The following WDPCP variants were observed in gnomAD, a reference collection of about 807,000 sequenced individuals.
WDPCP encodes WD repeat containing planar cell polarity effector.
WDPCP carries 71 observed loss-of-function variants against 93.1 expected under a neutral mutation model. The ratio of observed to expected loss-of-function variants is 0.76; its 90% confidence interval spans 0.63 to 0.93. The LOEUF is 0.93. Among genes scored for constraint, WDPCP ranks in the 40% least tolerant of loss-of-function variants. WDPCP has a pLI of 0.00. For missense variants in WDPCP, 844 were observed against 887.4 expected, an observed-to-expected ratio of 0.95 and a Z score of 0.62; for synonymous variants, 315 against 315.0, an observed-to-expected ratio of 1.00 and a Z score of 0.00.
intron 2 of WDPCP, among the ~76,000 whole-genome samples, chr2:63,654,298 G>GT (rs1430294782): frequency 1.3e-5 from 2 of 152,172 alleles, no homozygotes; most frequent in Admixed American, 6.5e-5. Context: ...GAAAAAGATT[G>GT]TAACATTATG....
At chr2:63,324,573 C>T (rs886163352) in intron 12 of WDPCP, among the ~76,000 whole-genome samples, 9 of 152,308 alleles carry the variant, frequency 5.9e-5, no homozygotes, top group Non-Finnish European at 1.3e-4. Flanking sequence ...GGGAAACCTT[C>T]GATCTCACTT....
At chr2:63,173,656 G>C (rs774030004) in intron 15 of WDPCP, among the ~76,000 whole-genome samples, 5 of 152,110 alleles carry the variant, frequency 3.3e-5, no homozygotes, top group Non-Finnish European at 7.4e-5. Context: ...TCAATTTGTT[G>C]TTTGCCTTTG....
chr2:63,461,260 A>T (rs374134195), intron 6 of WDPCP, among the ~76,000 whole-genome samples: 3 of 152,116 alleles, frequency 2.0e-5, no homozygotes, highest in African/African-American at 7.2e-5. Flanking sequence ...GCGGGGAGGT[A>T]TTTGGGTCAC....
intron 1 of WDPCP, among the ~76,000 whole-genome samples, chr2:63,815,983 T>C (rs1670928248): frequency 6.6e-6 from 1 of 152,160 alleles, no homozygotes; most frequent in Non-Finnish European, 1.5e-5. Flanking sequence ...TTCTTGATAT[T>C]ATCTTGAGAA....
chr2:63,516,019 C>CA (rs34934162), intron 1 of WDPCP, among the ~76,000 whole-genome samples: 45,451 of 131,380 alleles, frequency 0.35, 7,673 homozygotes, highest in East Asian at 0.73. Context: ...GACTCCATTT[C>CA]AAAAAAAAAA....
rs967871683 is a variant in WDPCP, at chr2:63,174,887, C to A, written c.1916-55G>T. 4 of 1,566,004 alleles carry A rather than the reference C, an allele frequency of 2.6e-6. No individual in the cohort carries two copies. The South Asian group carries it at 4.4e-5, about 17-fold the overall frequency. ...ATACTAAGTACAATTTCTGCTAACT[C>A]CCTTATAAGTAAGATTACAGAACAA... On this transcript the variant is annotated intron_variant, in intron 14 of 17. Coordinates refer to ENST00000272321, the MANE Select transcript of WDPCP (RefSeq NM_015910.7).
chr2:63,134,220 C>T (rs1670469738), intron 17 of WDPCP, among the ~76,000 whole-genome samples: 1 of 152,132 alleles, frequency 6.6e-6, no homozygotes, highest in South Asian at 2.1e-4. Flanking sequence ...ATTTTGCCCA[C>T]CCCACTTCTG....
intron 2 of WDPCP, among the ~76,000 whole-genome samples, chr2:63,797,649 A>G (rs189332922): frequency 6.6e-6 from 1 of 152,272 alleles, no homozygotes; most frequent in East Asian, 1.9e-4. Context: ...AGAGGAGACT[A>G]AAGAAAAAAG....
chr2:63,546,940 G>A (rs1256539172), intron 1 of WDPCP, among the ~76,000 whole-genome samples: 1 of 151,852 alleles, frequency 6.6e-6, no homozygotes, highest in Admixed American at 6.6e-5. Flanking sequence ...AAAGATTTCT[G>A]AGAAGGTAAA....
At chr2:63,270,087 A>G (rs1236643839) in intron 13 of WDPCP, among the ~76,000 whole-genome samples, 2 of 152,204 alleles carry the variant, frequency 1.3e-5, no homozygotes, top group Non-Finnish European at 2.9e-5. Flanking sequence ...AAGTATGTTA[A>G]ATAACTTACC....
chr2:63,515,181 T>C (rs1702474638), intron 1 of WDPCP, among the ~76,000 whole-genome samples: 1 of 152,186 alleles, frequency 6.6e-6, no homozygotes, highest in African/African-American at 2.4e-5. Context: ...AGCTTTACAG[T>C]AAGCTATACC....
chr2:63,165,351 G>A (rs560537424), intron 15 of WDPCP, among the ~76,000 whole-genome samples: 1 of 152,046 alleles, frequency 6.6e-6, no homozygotes, highest in South Asian at 2.1e-4. Flanking sequence ...TGATATTAAT[G>A]GATTTGGTAA....
At chr2:63,157,586 T>C (rs1343043192) in intron 15 of WDPCP, among the ~76,000 whole-genome samples, 3 of 152,206 alleles carry the variant, frequency 2.0e-5, no homozygotes, top group African/African-American at 7.2e-5. Context: ...AGGATTCAGA[T>C]GATCTCTTTC....
chr2:63,191,389 C>G lies in WDPCP; in HGVS notation c.1916-16557G>C, dbSNP rs374172592. Among the ~76,000 whole-genome samples the G allele has an allele frequency of 1.6e-4, 25 of 151,702 alleles. No individual in the cohort carries two copies. The South Asian group carries it at 3.5e-3, about 22-fold the overall frequency. ...CCTGGGTGACAGAGCCAGACTCCAT[C>G]TCAAAAGAAAAAAAAGAAAAAATTG... On this transcript the variant is annotated intron_variant, in intron 14 of 17. Coordinates refer to ENST00000272321, the MANE Select transcript of WDPCP (RefSeq NM_015910.7).
intron 1 of WDPCP, among the ~76,000 whole-genome samples, chr2:63,576,447 G>C (rs1181169037): frequency 1.3e-5 from 2 of 152,244 alleles, no homozygotes; most frequent in African/African-American, 4.8e-5. Flanking sequence ...CCAGATGGAA[G>C]AAATGCATAA....
At chr2:63,812,752 T>A (rs1670879948) in intron 2 of WDPCP, among the ~76,000 whole-genome samples, 1 of 152,210 alleles carries the variant, frequency 6.6e-6, no homozygotes, top group Non-Finnish European at 1.5e-5. Context: ...ATTTGTTACA[T>A]GGCAATAGAA....
chr2:63,313,886 A>ATATATATATATTTTTT, intron 12 of WDPCP, among the ~76,000 whole-genome samples: 1 of 74,472 alleles, frequency 1.3e-5, no homozygotes, highest in East Asian at 3.9e-4. Flanking sequence ...ATATATATAT[A>ATATATATATATTTTTT]TTTTTTTTTT....
chr2:63,169,140 A>C (rs549179610), intron 15 of WDPCP, among the ~76,000 whole-genome samples: 23 of 152,130 alleles, frequency 1.5e-4, no homozygotes, highest in African/African-American at 5.1e-4. Context: ...CACCCCTTTT[A>C]TCTTCTGCCT....
At chr2:63,214,150 C>T (rs948006070) in intron 14 of WDPCP, among the ~76,000 whole-genome samples, 4 of 152,134 alleles carry the variant, frequency 2.6e-5, no homozygotes, top group Admixed American at 2.6e-4. Context: ...GATACCAAAG[C>T]CTGGCAGAGA....
Sources: gnomAD v4.1 joint callset for allele counts (sites outside exome capture counted in the v4.1 genomes callset) on GRCh38, gnomAD v4.1.1 for gene constraint, MANE v1.5 for transcripts, NCBI Gene and HGNC (gene_info 2026-07-23, HGNC 2026-07-21) for gene names.